The following ABHD5 variants were observed in gnomAD, a reference collection of about 807,000 sequenced individuals.
ABHD5 encodes the protein abhydrolase domain containing 5, lysophosphatidic acid acyltransferase.
Under a neutral mutation model 44.9 loss-of-function variants are expected in ABHD5, and 30 were observed. The ratio of observed to expected loss-of-function variants is 0.67; its 90% CI spans 0.50 to 0.91. The LOEUF (loss-of-function observed/expected upper bound fraction) is 0.91, where lower values mean the gene tolerates loss of function less well. ABHD5 is among the 40% of genes least tolerant of loss of function. The probability of loss-of-function intolerance (pLI) is 0.00; values close to 1 mark genes in which losing one functional copy is unlikely to be tolerated. For synonymous variants in ABHD5, 167 were observed against 147.0 expected (o/e 1.14, Z -0.99); for missense variants, 399 against 423.4 (o/e 0.94, Z 0.50).
chr3:43,691,147 C>T (rs564072923), intron 1 of ABHD5, 108 bp downstream of exon 1: 2 of 1,143,604 alleles, frequency 1.7e-6, no homozygotes, highest in African/African-American at 1.6e-5. Flanking sequence ...CGCCTGGCGA[C>T]GACGGGCGGC....
At chr3:43,733,584 C>T (rs1388263651) in intron 7 of ABHD5, among the ~76,000 whole-genome samples, 1 of 152,150 alleles carries the variant, frequency 6.6e-6, no homozygotes, top group Admixed American at 6.5e-5. Flanking sequence ...CACAGGATGC[C>T]CTTGTGTTTG....
In ABHD5 at chr3:43,704,349, C is replaced by A. The variant is rs947944639; in HGVS notation, c.506+1762C>A. Reference sequence around the variant, plus strand: ...CCACCGCACCCGCTGGTGTTACTTTCTTTTATTGTGTCCTACTCTTAGTGA... The same window carrying A: ...CCACCGCACCCGCTGGTGTTACTTTATTTTATTGTGTCCTACTCTTAGTGA... On this transcript the variant is annotated intron_variant, in intron 3 of 6. Coordinates refer to ENST00000644371, the MANE Select transcript of ABHD5 (RefSeq NM_016006.6). 2.0e-5 allele frequency among the ~76,000 whole-genome samples: 3 copies of A among 152,146 alleles called. No homozygotes were observed. The East Asian group carries it at 5.8e-4, about 29-fold the overall frequency.
chr3:43,730,535 T>C lies in ABHD5; in HGVS notation c.*30-3345T>C, dbSNP rs545498990. On this transcript the variant is annotated intron_variant, in intron 7 of 7. Transcript: ENST00000454293. ...TTTTTTTTTTTTTTGAGACGGGATC[T>C]TCCCCTGTCTCCGAGGCTGGAATAC... Among the ~76,000 whole-genome samples, 15 of 136,390 alleles carry C rather than the reference T, an allele frequency of 1.1e-4. No homozygotes were observed. The South Asian group carries it at 3.5e-3, about 32-fold the overall frequency. 89.5% of individuals were successfully genotyped at this position (136,390 alleles called of 152,430 possible).
chr3:43,726,385 G>A (rs1031726200), downstream of ABHD5, among the ~76,000 whole-genome samples: 9 of 152,112 alleles, frequency 5.9e-5, no homozygotes, highest in African/African-American at 2.2e-4. Flanking sequence ...GGGGTAGGAG[G>A]GGCACCAGGG....
chr3:43,700,809 G>A (rs756190518), intron 2 of ABHD5, among the ~76,000 whole-genome samples: 2 of 151,996 alleles, frequency 1.3e-5, no homozygotes, highest in African/African-American at 4.8e-5. Context: ...CCTGACCTCA[G>A]GTGATCCACC....
chr3:43,724,203 ACT>A (rs745333417), downstream of ABHD5, among the ~76,000 whole-genome samples: 34 of 152,316 alleles, frequency 2.2e-4, no homozygotes, highest in Non-Finnish European at 4.7e-4. Flanking sequence ...AGTATGGATA[ACT>A]CTTTCTAGGC....
intron 3 of ABHD5, among the ~76,000 whole-genome samples, chr3:43,709,765 C>T (rs1188234316): frequency 1.3e-5 from 2 of 152,156 alleles, no homozygotes; most frequent in African/African-American, 4.8e-5. Flanking sequence ...GAATTTAGGG[C>T]CGGGCACAGT....
At chr3:43,713,735 C>T (rs1040592315) in intron 4 of ABHD5, among the ~76,000 whole-genome samples, 4 of 152,092 alleles carry the variant, frequency 2.6e-5, no homozygotes, top group Non-Finnish European at 4.4e-5. Flanking sequence ...TACTAGAACA[C>T]AGGTACAAAA....
chr3:43,710,241 A>G (rs1040137501), intron 3 of ABHD5, among the ~76,000 whole-genome samples: 1 of 152,182 alleles, frequency 6.6e-6, no homozygotes, highest in African/African-American at 2.4e-5. Flanking sequence ...ATCTTCATAC[A>G]TCTCTATGGT....
In ABHD5 at chr3:43,718,432, T is replaced by C; in HGVS notation, c.961-11T>C. 4 of 1,612,478 alleles carry C rather than the reference T, an allele frequency of 2.5e-6. No homozygotes were observed. The highest frequency in any genetic ancestry group is 3.4e-6 in the Non-Finnish European group (4 of 1,178,482). On this transcript the variant is annotated splice_polypyrimidine_tract_variant and intron_variant, in intron 6 of 6. Coordinates refer to ENST00000644371, the MANE Select transcript of ABHD5 (RefSeq NM_016006.6). The stretch of plus-strand genomic sequence containing the variant: ...TACTCACTAACTGTCTGAATGCTTT[T>C]CCTTATCCAGGCTATTCTTGGGGCA...
chr3:43,716,119 A>T (rs566273840), intron 5 of ABHD5, among the ~76,000 whole-genome samples: 1 of 152,154 alleles, frequency 6.6e-6, no homozygotes. Context: ...ACCAGTGGAG[A>T]AAACAGAGCC....
At position 43,711,886 on chromosome 3, in the gene ABHD5, A is replaced by G. The variant is rs372527426; in HGVS notation, c.661+23A>G. On this transcript the variant is annotated intron_variant, in intron 4 of 6. Transcript: ENST00000644371. ...TTGGTGAGTGCTTATGTTCTAGGAA[A>G]GCAAAATGTTTGTAAGTTATGAGAA... 44 of 1,614,090 alleles carry G rather than the reference A, an allele frequency of 2.7e-5. No individual in the cohort carries two copies. In the African/African-American group the frequency reaches 5.1e-4, roughly 19 times the overall value.
At chr3:43,715,683 A>G (rs1035869390) in intron 5 of ABHD5, among the ~76,000 whole-genome samples, 18 of 152,328 alleles carry the variant, frequency 1.2e-4, no homozygotes, top group African/African-American at 4.3e-4. Flanking sequence ...GGTCTTGGGC[A>G]TCTCCAAGAG....
At chr3:43,712,744 C>G (rs1445650020) in intron 4 of ABHD5, among the ~76,000 whole-genome samples, 1 of 151,986 alleles carries the variant, frequency 6.6e-6, no homozygotes, top group African/African-American at 2.4e-5. Flanking sequence ...GACTTTTTTC[C>G]TCACGGTGGT....
rs1159879784 is a variant in ABHD5 at position 43,722,232 on chromosome 3, T to C, written c.*3700T>C. The C allele has an allele frequency of 6.6e-6, 1 of 152,200 alleles. No homozygotes were observed. Among genetic ancestry groups the C allele is most frequent in the East Asian group, 1.9e-4 (1 of 5,200 alleles). 9.4% of individuals were successfully genotyped at this position (152,200 alleles called of 1,614,324 possible). A position where few individuals can be genotyped will look rare whatever the true frequency, so the allele number is the denominator to read the frequency against. On this transcript the variant is annotated 3_prime_UTR_variant, in exon 7 of 7. Coordinates refer to ENST00000644371, the MANE Select transcript of ABHD5 (RefSeq NM_016006.6). The stretch of plus-strand genomic sequence containing the variant: ...AAGGAACTAGGGTATATCTATACAA[T>C]GGGATACTACACAGCTGTAGAAAGG...
intron 7 of ABHD5, among the ~76,000 whole-genome samples, chr3:43,733,088 T>A (rs1697265747): frequency 6.6e-6 from 1 of 152,184 alleles, no homozygotes; most frequent in Admixed American, 6.5e-5. Context: ...AGTGTAATCA[T>A]GGAAGTGACA....
chr3:43,706,527 G>A lies in ABHD5; in HGVS notation c.506+3940G>A, dbSNP rs997401486. Among the ~76,000 whole-genome samples the A allele has an allele frequency of 3.3e-5, 5 of 151,670 alleles. No individual in the cohort carries two copies. In the East Asian group the frequency reaches 9.7e-4, roughly 29 times the overall value. ...CTGTTGCACAGTTTGGAGTGCAGTG[G>A]CGCAATCATAGCTCACTGCAGCCTT... On this transcript the variant is annotated intron_variant, in intron 3 of 6. Transcript: ENST00000644371.
intron 3 of ABHD5, among the ~76,000 whole-genome samples, chr3:43,709,072 C>A (rs1425927462): frequency 6.6e-6 from 1 of 152,156 alleles, no homozygotes; most frequent in Non-Finnish European, 1.5e-5. Flanking sequence ...GCTGGATATG[C>A]TTATGCTATG....
intron 4 of ABHD5, among the ~76,000 whole-genome samples, chr3:43,713,524 C>G (rs900940538): frequency 6.6e-6 from 1 of 151,914 alleles, no homozygotes; most frequent in Non-Finnish European, 1.5e-5. Context: ...AGCAGTGGGA[C>G]TGCAGGACTT....
Sources: allele counts gnomAD v4.1 joint callset (sites outside exome capture counted in the v4.1 genomes callset), GRCh38; gene constraint gnomAD v4.1.1; transcripts MANE v1.5; gene names NCBI Gene and HGNC (gene_info 2026-07-23, HGNC 2026-07-21).